Variants in ZDHHC15 observed in about 807,000 individuals in gnomAD.
ZDHHC15 encodes the protein zDHHC palmitoyltransferase 15.
Under a neutral mutation model 31.7 loss-of-function variants are expected in ZDHHC15, and 19 were observed. The ratio of observed to expected loss-of-function variants is 0.60; its 90% CI spans 0.42 to 0.88. ZDHHC15 has a LOEUF of 0.88. ZDHHC15 is among the 40% of genes least tolerant of loss of function. ZDHHC15 has a pLI of 0.00. For synonymous variants in ZDHHC15, 103 were observed against 90.0 expected (o/e 1.14, Z -0.82); for missense variants, 209 against 251.2 (o/e 0.83, Z 1.14).
At chrX:75,475,421 C>T (rs1159166144) in intron 3 of ZDHHC15, among the ~76,000 whole-genome samples, 2 of 111,443 alleles carry the variant, frequency 1.8e-5, no homozygotes, top group Admixed American at 9.6e-5. Context: ...AAAGGTTCTA[C>T]GTCATTATTT....
intron 1 of ZDHHC15, among the ~76,000 whole-genome samples, chrX:75,518,535 A>G: frequency 9.2e-6 from 1 of 108,195 alleles, no homozygotes; most frequent in Admixed American, 1.0e-4. Flanking sequence ...GCTTGATGGG[A>G]ATGTAAAATG....
At chrX:75,438,066 C>G (rs994621018) in intron 4 of ZDHHC15, among the ~76,000 whole-genome samples, 1 of 112,049 alleles carries the variant, frequency 8.9e-6, no homozygotes, top group East Asian at 2.8e-4. Flanking sequence ...ATGCAAATCA[C>G]AACCACAATG....
At chrX:75,463,898 C>T (rs1331490314) in intron 3 of ZDHHC15, among the ~76,000 whole-genome samples, 6 of 111,779 alleles carry the variant, frequency 5.4e-5, no homozygotes, top group Admixed American at 2.9e-4. Context: ...GGATCTAGAA[C>T]TAGAAATACC....
intron 4 of ZDHHC15, among the ~76,000 whole-genome samples, chrX:75,441,825 A>G (rs979730090): frequency 2.7e-5 from 3 of 109,282 alleles, no homozygotes; most frequent in African/African-American, 1.0e-4. Context: ...GGGTTTCACC[A>G]TGTTAGCCAG....
At chrX:75,465,177 C>T (rs1458584867) in intron 3 of ZDHHC15, among the ~76,000 whole-genome samples, 3 of 111,330 alleles carry the variant, frequency 2.7e-5, no homozygotes, top group African/African-American at 9.8e-5. Flanking sequence ...AAGCAGAGAA[C>T]CAAATTATAA....
intron 1 of ZDHHC15, among the ~76,000 whole-genome samples, chrX:75,513,063 T>A (rs1341386194): frequency 3.8e-5 from 4 of 106,403 alleles, no homozygotes; most frequent in Non-Finnish European, 7.8e-5. Flanking sequence ...TAATAAATGG[T>A]GCTGGGAAAA....
chrX:75,521,627 T>TA (rs1024559066), intron 1 of ZDHHC15, among the ~76,000 whole-genome samples: 1 of 109,587 alleles, frequency 9.1e-6, no homozygotes, highest in Non-Finnish European at 1.9e-5. Flanking sequence ...CAGGACAGGG[T>TA]AAAAAAAGAT....
At chrX:75,518,804 TATACACACACAC>T (rs1172280507) in intron 1 of ZDHHC15, among the ~76,000 whole-genome samples, 44 of 23,750 alleles carry the variant, frequency 1.9e-3, no homozygotes, top group Non-Finnish European at 2.1e-3. Flanking sequence ...TATATATATA[TATACACACACAC>T]ACACACACAC....
intron 1 of ZDHHC15, among the ~76,000 whole-genome samples, chrX:75,517,986 CAAA>C (rs1440137109): frequency 9.2e-6 from 1 of 108,825 alleles, no homozygotes; most frequent in Non-Finnish European, 1.9e-5. Context: ...CAAAAAAAAA[CAAA>C]AAACAAACAA....
intron 10 of ZDHHC15, among the ~76,000 whole-genome samples, chrX:75,396,738 C>T (rs755913640): frequency 9.0e-6 from 1 of 110,764 alleles, no homozygotes; most frequent in South Asian, 3.8e-4. Context: ...TAAAAGCAAC[C>T]TAAGTGTCCA....
Position 75,431,528 on chromosome X carries a change from A to C in ZDHHC15, c.380-8T>G. 1 of 1,206,523 alleles carries C rather than the reference A, an allele frequency of 8.3e-7. No homozygotes were observed. Among genetic ancestry groups the C allele is most frequent in the Non-Finnish European group, 1.1e-6 (1 of 893,110 alleles). ...GGTCACAGAATCGTACAGCTATAAA[A>C]AAAAAAATAAGGTGGTTAGCACTTG... On this transcript the variant is annotated splice_region_variant and splice_polypyrimidine_tract_variant and intron_variant, in intron 4 of 11. Transcript: ENST00000373367.
intron 3 of ZDHHC15, among the ~76,000 whole-genome samples, chrX:75,467,725 C>T (rs1013449968): frequency 4.5e-5 from 5 of 112,128 alleles, no homozygotes; most frequent in African/African-American, 1.6e-4. Flanking sequence ...AAGGTGATGA[C>T]GACAGTCATT....
chrX:75,371,901 A>G lies in ZDHHC15; in HGVS notation c.*1077T>C, dbSNP rs2083008998. ...TAGCTACTACTGAAGCTAAAAAAAGAAGAAAGAACTGGCATATTACTATTT... is the reference window on the plus strand; with the variant it reads ...TAGCTACTACTGAAGCTAAAAAAAGGAGAAAGAACTGGCATATTACTATTT... On this transcript the variant is annotated 3_prime_UTR_variant, in exon 12 of 12. Coordinates refer to ENST00000373367, the MANE Select transcript of ZDHHC15 (RefSeq NM_144969.3). The G allele has an allele frequency of 8.9e-6, 1 of 112,094 alleles. No individual in the cohort carries two copies. Among genetic ancestry groups the G allele is most frequent in the African/African-American group, 3.2e-5 (1 of 30,873 alleles). 9.2% of individuals were successfully genotyped at this position (112,094 alleles called of 1,213,427 possible).
chrX:75,465,527 C>T (rs1259245697), intron 3 of ZDHHC15, among the ~76,000 whole-genome samples: 1 of 111,401 alleles, frequency 9.0e-6, no homozygotes, highest in Admixed American at 9.6e-5. Flanking sequence ...GCTAAAGGCA[C>T]CATGCTACAG....
At chrX:75,430,976 A>G (rs891039072) in intron 5 of ZDHHC15, among the ~76,000 whole-genome samples, 7 of 111,695 alleles carry the variant, frequency 6.3e-5, no homozygotes, top group Non-Finnish European at 1.3e-4. Flanking sequence ...AGCTAAGAGA[A>G]GCTAAGGAGA....
At chrX:75,421,086 C>T (rs1046367692) in intron 9 of ZDHHC15, among the ~76,000 whole-genome samples, 1 of 107,561 alleles carries the variant, frequency 9.3e-6, no homozygotes, top group Non-Finnish European at 1.9e-5. Flanking sequence ...GACTATTGCC[C>T]TTACCATTTT....
chrX:75,459,223 C>A (rs1281971384), intron 3 of ZDHHC15, among the ~76,000 whole-genome samples: 3 of 110,461 alleles, frequency 2.7e-5, no homozygotes, highest in Non-Finnish European at 1.9e-5. Context: ...CATACTCCAG[C>A]CCCAGTAGCC....
At chrX:75,408,473 T>C (rs1203779037) in intron 10 of ZDHHC15, among the ~76,000 whole-genome samples, 1 of 111,779 alleles carries the variant, frequency 8.9e-6, no homozygotes, top group East Asian at 2.8e-4. Context: ...AGGCCATATA[T>C]GACAAACCCA....
chrX:75,489,336 C>T (rs919013728), intron 2 of ZDHHC15, among the ~76,000 whole-genome samples: 1 of 111,867 alleles, frequency 8.9e-6, no homozygotes, highest in African/African-American at 3.2e-5. Context: ...CTGGGAGGCA[C>T]CCCCGAGTAG....
Sources: allele counts gnomAD v4.1 joint callset (sites outside exome capture counted in the v4.1 genomes callset), GRCh38; gene constraint gnomAD v4.1.1; transcripts MANE v1.5; gene names NCBI Gene and HGNC (gene_info 2026-07-23, HGNC 2026-07-21).